The following CTNNA3 variants were observed in gnomAD, a reference collection of about 807,000 sequenced individuals.
CTNNA3 encodes catenin alpha 3.
In CTNNA3, 76 loss-of-function variants were observed where a neutral mutation model predicts 95.7. The ratio of observed to expected loss-of-function variants is 0.79; its 90% CI spans 0.66 to 0.96. CTNNA3 has a LOEUF of 0.96. CTNNA3 is among the 40% of genes least tolerant of loss of function. The probability of loss-of-function intolerance (pLI) is 0.00; values close to 1 mark genes in which losing one functional copy is unlikely to be tolerated. For missense variants in CTNNA3, 1,191 were observed against 1,089.8 expected (o/e 1.09, Z -1.31); for synonymous variants, 431 against 374.4 (o/e 1.15, Z -1.74).
chr10:67,181,060 A>T (rs542083724), intron 6 of CTNNA3, among the ~76,000 whole-genome samples: 1 of 152,320 alleles, frequency 6.6e-6, no homozygotes, highest in South Asian at 2.1e-4. Flanking sequence ...ACCCAAGGTC[A>T]TAGAGCAAAT....
intron 7 of CTNNA3, among the ~76,000 whole-genome samples, chr10:66,956,211 G>C (rs1848784090): frequency 6.6e-6 from 1 of 150,500 alleles, no homozygotes; most frequent in Non-Finnish European, 1.5e-5. Flanking sequence ...AAAGGTGATG[G>C]ATAGGCCAGT....
At chr10:66,721,168 T>A (rs1478995112) in intron 9 of CTNNA3, among the ~76,000 whole-genome samples, 1 of 152,076 alleles carries the variant, frequency 6.6e-6, no homozygotes, top group Non-Finnish European at 1.5e-5. Flanking sequence ...GGCTATGGGA[T>A]TTCCTCACGG....
intron 13 of CTNNA3, among the ~76,000 whole-genome samples, chr10:66,147,440 T>C (rs914061601): frequency 1.3e-5 from 2 of 152,016 alleles, no homozygotes; most frequent in Non-Finnish European, 2.9e-5. Context: ...TGATATATAG[T>C]GTTCTCATTT....
intron 5 of CTNNA3, among the ~76,000 whole-genome samples, chr10:67,449,120 A>G (rs1053540717): frequency 6.6e-6 from 1 of 152,114 alleles, no homozygotes; most frequent in Non-Finnish European, 1.5e-5. Context: ...AATACAGCTA[A>G]CAAGGGAGGG....
In CTNNA3 at chr10:66,323,725, G is replaced by A. The variant is rs551779054; in HGVS notation, c.1733-43104C>T. Among the ~76,000 whole-genome samples, 46 of 151,538 alleles carry A rather than the reference G, an allele frequency of 3.0e-4. 1 individual carries two copies. The highest frequency in any genetic ancestry group is 2.6e-3 in the Admixed American group (39 of 15,212). ...CCCCTACTCTCAAGCCTGGACACCC[G>A]TGGCCCTAAATGAGAACAGGCATTT... is the stretch of plus-strand genomic sequence containing the variant. On this transcript the variant is annotated intron_variant, in intron 12 of 17. Coordinates refer to ENST00000433211, the MANE Select transcript of CTNNA3 (RefSeq NM_013266.4).
chr10:66,185,347 C>T (rs565165517), intron 13 of CTNNA3, among the ~76,000 whole-genome samples: 2 of 152,030 alleles, frequency 1.3e-5, no homozygotes, highest in East Asian at 1.9e-4. Flanking sequence ...TAACCTTACC[C>T]CCACTTAATA....
chr10:67,373,183 T>C (rs554287154), intron 5 of CTNNA3, among the ~76,000 whole-genome samples: 48 of 152,188 alleles, frequency 3.2e-4, no homozygotes, highest in African/African-American at 1.1e-3. Context: ...GACTGGCAAA[T>C]TGGATAAAGA....
intron 7 of CTNNA3, among the ~76,000 whole-genome samples, chr10:66,983,377 T>C (rs1235602779): frequency 6.6e-6 from 1 of 152,084 alleles, no homozygotes; most frequent in African/African-American, 2.4e-5. Flanking sequence ...CCAACTAATG[T>C]GTCTGTGTTT....
At chr10:66,379,455 G>T in intron 11 of CTNNA3, 103 bp from the exon 12 acceptor site, 1 of 955,478 alleles carries the variant, frequency 1.0e-6, no homozygotes, top group Non-Finnish European at 1.6e-6. Flanking sequence ...CAGATAGAGT[G>T]CACATTGGAA....
At chr10:67,750,714 C>G in intron 1 of CTNNA3, 1 of 1,573,642 alleles carries the variant, frequency 6.4e-7, no homozygotes, top group Non-Finnish European at 8.7e-7. Flanking sequence ...CCTGGGAGGC[C>G]ATGGAGGAGC....
At chr10:67,428,377 G>A (rs1392536966) in intron 5 of CTNNA3, among the ~76,000 whole-genome samples, 1 of 151,942 alleles carries the variant, frequency 6.6e-6, no homozygotes, top group East Asian at 1.9e-4. Flanking sequence ...ACACGTAAAT[G>A]AACAAATCAT....
intron 5 of CTNNA3, among the ~76,000 whole-genome samples, chr10:67,484,947 C>T (rs1162355827): frequency 6.6e-6 from 1 of 152,118 alleles, no homozygotes; most frequent in African/African-American, 2.4e-5. Flanking sequence ...TATCATCTGG[C>T]CCAGCAATCC....
chr10:67,454,661 G>T (rs1366974994), intron 5 of CTNNA3, among the ~76,000 whole-genome samples: 1 of 152,062 alleles, frequency 6.6e-6, no homozygotes, highest in Non-Finnish European at 1.5e-5. Context: ...TAAATGAGGA[G>T]TGAATTAGAT....
intron 5 of CTNNA3, among the ~76,000 whole-genome samples, chr10:67,501,875 T>C (rs1839243507): frequency 6.6e-6 from 1 of 152,220 alleles, no homozygotes; most frequent in Admixed American, 6.5e-5. Flanking sequence ...TAACCTTTTT[T>C]CAAGGTTCTT....
At chr10:67,434,476 G>T (rs897473825) in intron 5 of CTNNA3, among the ~76,000 whole-genome samples, 1 of 151,830 alleles carries the variant, frequency 6.6e-6, no homozygotes, top group Admixed American at 6.6e-5. Flanking sequence ...TTTTAACAGT[G>T]TCGAGATTAA....
intron 7 of CTNNA3, among the ~76,000 whole-genome samples, chr10:66,938,124 T>G (rs1847812960): frequency 6.6e-6 from 1 of 152,218 alleles, no homozygotes; most frequent in South Asian, 2.1e-4. Context: ...CTATGGAAAC[T>G]TAATTGTATC....
At chr10:66,167,247 A>G (rs1027830806) in intron 13 of CTNNA3, among the ~76,000 whole-genome samples, 3 of 152,176 alleles carry the variant, frequency 2.0e-5, no homozygotes, top group African/African-American at 7.2e-5. Context: ...CTTTCTGCCA[A>G]CAATTATTAT....
intron 13 of CTNNA3, among the ~76,000 whole-genome samples, chr10:66,265,582 C>G (rs1398733572): frequency 2.6e-5 from 4 of 152,056 alleles, no homozygotes; most frequent in Non-Finnish European, 2.9e-5. Flanking sequence ...CTTTTAGAAA[C>G]AGTGCCTCCT....
intron 10 of CTNNA3, among the ~76,000 whole-genome samples, chr10:66,620,828 T>A (rs186538677): frequency 2.0e-5 from 3 of 152,280 alleles, no homozygotes; most frequent in Non-Finnish European, 4.4e-5. Context: ...ATTTAACACA[T>A]GCCCTACTTT....
Sources: gnomAD v4.1 joint callset for allele counts (sites outside exome capture counted in the v4.1 genomes callset) on GRCh38, gnomAD v4.1.1 for gene constraint, MANE v1.5 for transcripts, NCBI Gene and HGNC (gene_info 2026-07-23, HGNC 2026-07-21) for gene names.